Variants in GNG2 observed in about 807,000 individuals in gnomAD.
GNG2 encodes the protein G protein subunit gamma 2.
GNG2 carries 5 observed loss-of-function variants against 5.5 expected under a neutral mutation model. The observed-to-expected ratio is 0.91, with a 90% CI of 0.48 to 1.92. The LOEUF (loss-of-function observed/expected upper bound fraction) is 1.92. GNG2 is among the 30% of genes most tolerant of loss of function. The probability of loss-of-function intolerance (pLI) is 0.01; values close to 1 mark genes in which losing one functional copy is unlikely to be tolerated. For missense variants in GNG2, 55 were observed against 88.4 expected (o/e 0.62, Z 1.52); for synonymous variants, 28 against 32.0 (o/e 0.88, Z 0.42).
At chr14:51,954,517 C>T (rs1003134369) in intron 3 of GNG2, among the ~76,000 whole-genome samples, 1 of 152,142 alleles carries the variant, frequency 6.6e-6, no homozygotes, top group Non-Finnish European at 1.5e-5. Flanking sequence ...TGTATTAGGA[C>T]TCTTTGAGTT....
In GNG2 at chr14:51,969,660, A is replaced by G. The variant is rs1014678582; in HGVS notation, c.*2973A>G. On this transcript the variant is annotated 3_prime_UTR_variant, in exon 4 of 4. Coordinates refer to ENST00000556766, the MANE Select transcript of GNG2 (RefSeq NM_053064.5). ...CCCAAAAGTTGTTCACATTTTTCCT[A>G]TATAAGATCTGTGGAGTGTGTGTTT... The G allele has an allele frequency of 6.6e-6, 1 of 152,200 alleles. No homozygotes were observed. The highest frequency in any genetic ancestry group is 6.5e-5 in the Admixed American group (1 of 15,284). The allele number at this position is 152,200 out of a possible 1,614,324, so 9.4% of individuals were successfully genotyped here. A position where few individuals can be genotyped will look rare whatever the true frequency, so the allele number is the denominator to read the frequency against.
chr14:51,887,204 C>T (rs1166157614), intron 2 of GNG2, among the ~76,000 whole-genome samples: 5 of 152,122 alleles, frequency 3.3e-5, no homozygotes, highest in Admixed American at 6.5e-5. Context: ...TCAACCTCAA[C>T]TTACGGTTCA....
intron 2 of GNG2, among the ~76,000 whole-genome samples, chr14:51,832,292 A>G (rs4901164): frequency 0.049 from 7,510 of 152,124 alleles, 714 homozygotes; most frequent in East Asian, 0.44. Flanking sequence ...GAGAAAAAAA[A>G]AAAAGAAAAG....
At chr14:51,959,633 A>G (rs1268212806) in intron 3 of GNG2, among the ~76,000 whole-genome samples, 4 of 151,852 alleles carry the variant, frequency 2.6e-5, no homozygotes, top group Non-Finnish European at 5.9e-5. Flanking sequence ...CCCATAGAGT[A>G]CTGTTCACAA....
intron 3 of GNG2, chr14:51,952,089 C>A: frequency 1.7e-6 from 1 of 593,422 alleles, no homozygotes; most frequent in South Asian, 2.1e-5. Context: ...GGTTGAGAAC[C>A]ACTGTCCTAT....
At chr14:51,931,199 A>T (rs1027226195) in intron 2 of GNG2, among the ~76,000 whole-genome samples, 12 of 152,200 alleles carry the variant, frequency 7.9e-5, no homozygotes, top group Admixed American at 2.0e-4. Flanking sequence ...AAGGGGTTGG[A>T]TTCTGATTAT....
chr14:51,833,446 A>T (rs1197244565), intron 2 of GNG2, among the ~76,000 whole-genome samples: 1 of 152,166 alleles, frequency 6.6e-6, no homozygotes, highest in African/African-American at 2.4e-5. Context: ...TTATCTTTTC[A>T]GGAGAAGGCA....
At chr14:51,896,745 C>T (rs143065549) in intron 2 of GNG2, among the ~76,000 whole-genome samples, 2 of 151,578 alleles carry the variant, frequency 1.3e-5, no homozygotes, top group African/African-American at 2.4e-5. Flanking sequence ...TAAGGAATAG[C>T]GAAAATAAGA....
chr14:51,880,127 T>C (rs1217202204), intron 2 of GNG2, among the ~76,000 whole-genome samples: 2 of 152,220 alleles, frequency 1.3e-5, no homozygotes, highest in Non-Finnish European at 2.9e-5. Flanking sequence ...AGGGGACTGG[T>C]TGAAGTCCAA....
At chr14:51,905,083 G>A (rs1330575061) in intron 2 of GNG2, among the ~76,000 whole-genome samples, 1 of 152,202 alleles carries the variant, frequency 6.6e-6, no homozygotes, top group Non-Finnish European at 1.5e-5. Flanking sequence ...AATTGTGGGA[G>A]ATGGAGGAGT....
intron 2 of GNG2, among the ~76,000 whole-genome samples, chr14:51,847,744 G>T (rs946858549): frequency 3.3e-5 from 5 of 152,104 alleles, no homozygotes; most frequent in Non-Finnish European, 5.9e-5. Flanking sequence ...GACCTTTGGA[G>T]AGTCAAATTA....
At chr14:51,941,557 T>C (rs1363174997) in intron 2 of GNG2, among the ~76,000 whole-genome samples, 2 of 152,186 alleles carry the variant, frequency 1.3e-5, no homozygotes, top group African/African-American at 2.4e-5. Context: ...TCTGTCTGGA[T>C]GCCACCCTTG....
At chr14:51,832,951 CTT>C (rs2140071595) in intron 2 of GNG2, among the ~76,000 whole-genome samples, 1 of 152,270 alleles carries the variant, frequency 6.6e-6, no homozygotes, top group Non-Finnish European at 1.5e-5. Context: ...TCAGATGACT[CTT>C]AGGCCTACTA....
At chr14:51,827,765 C>T (rs2140068046) in exon 2 of GNG2, 2 of 700,438 alleles carry the variant, frequency 2.9e-6, no homozygotes, top group Non-Finnish European at 5.2e-6. Flanking sequence ...ATTGCAACCT[C>T]CAATGGAAAG....
At chr14:51,930,959 G>A (rs149365820) in intron 2 of GNG2, among the ~76,000 whole-genome samples, 1 of 152,328 alleles carries the variant, frequency 6.6e-6, no homozygotes, top group Non-Finnish European at 1.5e-5. Flanking sequence ...AACCCATGGT[G>A]GTGGCATGCG....
At chr14:51,827,647 G>T (rs963942352) in intron 1 of GNG2, 1 of 696,838 alleles carries the variant, frequency 1.4e-6, no homozygotes, top group Non-Finnish European at 2.6e-6. Flanking sequence ...GTTCATCCAC[G>T]TATATGTTTA....
At chr14:51,951,127 G>T (rs1179894807) in intron 3 of GNG2, among the ~76,000 whole-genome samples, 1 of 152,142 alleles carries the variant, frequency 6.6e-6, no homozygotes. Context: ...TTTCTGTCCT[G>T]GTTCAGGTTC....
chr14:51,893,064 T>C (rs1372636182), intron 2 of GNG2, among the ~76,000 whole-genome samples: 1 of 152,232 alleles, frequency 6.6e-6, no homozygotes, highest in African/African-American at 2.4e-5. Flanking sequence ...TTGTCTTCCT[T>C]GGTTGTGGTT....
chr14:51,963,949 T>C (rs1889757172), intron 3 of GNG2, among the ~76,000 whole-genome samples: 1 of 152,228 alleles, frequency 6.6e-6, no homozygotes, highest in Non-Finnish European at 1.5e-5. Context: ...TTGGGTTGAC[T>C]AGTGTCCCCT....
Sources: allele counts gnomAD v4.1 joint callset (sites outside exome capture counted in the v4.1 genomes callset), GRCh38; gene constraint gnomAD v4.1.1; transcripts MANE v1.5; gene names NCBI Gene and HGNC (gene_info 2026-07-23, HGNC 2026-07-21).